The following IRAG2 variants were observed in gnomAD, a reference collection of about 807,000 sequenced individuals.
IRAG2 encodes inositol 1,4,5-triphosphate receptor associated 2.
IRAG2 carries 45 observed loss-of-function variants against 69.9 expected under a neutral mutation model. That is an observed-to-expected ratio of 0.64 (90% confidence interval 0.51 to 0.83). IRAG2 has a LOEUF of 0.83. Ranked by LOEUF, IRAG2 falls within the 40% of genes least tolerant of loss-of-function variation. IRAG2 has a pLI of 0.00. For missense variants in IRAG2, 520 were observed against 587.0 expected (o/e 0.89, Z 1.18); for synonymous variants, 193 against 202.4 (o/e 0.95, Z 0.40).
At chr12:25,097,316 C>T in intron 15 of IRAG2, 1 of 257,714 alleles carries the variant, frequency 3.9e-6, no homozygotes, top group Non-Finnish European at 7.3e-6. Flanking sequence ...GTTTATAATC[C>T]CTTATATAGT....
At chr12:25,019,397 G>T (rs960828622) in intron 6 of IRAG2, among the ~76,000 whole-genome samples, 6 of 152,054 alleles carry the variant, frequency 3.9e-5, no homozygotes, top group African/African-American at 1.2e-4. Flanking sequence ...TGGTGGAAGT[G>T]GCTCTCAGCA....
chr12:25,047,063 A>T (rs987829578), intron 16 of IRAG2, among the ~76,000 whole-genome samples: 1 of 152,378 alleles, frequency 6.6e-6, no homozygotes, highest in African/African-American at 2.4e-5. Context: ...AGATACTAAG[A>T]ATATGTAATA....
intron 9 of IRAG2, chr12:25,026,963 G>A (rs1380871841): frequency 1.8e-6 from 1 of 549,506 alleles, no homozygotes. Flanking sequence ...CTAAACTTTG[G>A]TTATAAATTC....
Position 25,062,819 on chromosome 12 carries a change from G to A in IRAG2, c.-384-1G>A, listed in dbSNP as rs1216690418. The A allele has an allele frequency of 2.5e-6, 1 of 398,826 alleles. No homozygotes were observed. The allele number at this position is 398,826 out of a possible 1,614,324, so 24.7% of individuals were successfully genotyped here. On this transcript the variant is annotated splice_acceptor_variant, in intron 2 of 21. Transcript: ENST00000556887. LOFTEE classifies it low-confidence loss of function (5UTR_SPLICE). ...TACACTCTACCATTTTCTCTTGACA[G>A]AGCTTTTTAGATGAGGAATTTCCTC... is the stretch of plus-strand genomic sequence containing the variant.
At chr12:25,036,206 C>T (rs891706382) in intron 14 of IRAG2, among the ~76,000 whole-genome samples, 2 of 152,158 alleles carry the variant, frequency 1.3e-5, no homozygotes, top group Non-Finnish European at 2.9e-5. Flanking sequence ...TTGCCAGTCC[C>T]TTTCATAGTG....
chr12:25,040,259 A>T (rs1441658210), intron 16 of IRAG2, among the ~76,000 whole-genome samples: 2 of 152,254 alleles, frequency 1.3e-5, no homozygotes, highest in African/African-American at 4.8e-5. Context: ...CTGTAATCCC[A>T]GCACTTTGGG....
At chr12:25,071,654 C>T (rs1946345529) in intron 6 of IRAG2, among the ~76,000 whole-genome samples, 1 of 152,166 alleles carries the variant, frequency 6.6e-6, no homozygotes, top group African/African-American at 2.4e-5. Flanking sequence ...CCCATGATCA[C>T]TCAATTAATA....
At chr12:25,027,388 CT>C (rs150854134) in intron 9 of IRAG2, among the ~76,000 whole-genome samples, 5 of 111,350 alleles carry the variant, frequency 4.5e-5, no homozygotes, top group African/African-American at 1.5e-4. Flanking sequence ...ATTACTACCT[CT>C]TTTTTTTTCT....
intron 12 of IRAG2, chr12:25,032,482 A>C (rs1944675340): frequency 2.5e-6 from 1 of 397,672 alleles, no homozygotes; most frequent in Non-Finnish European, 4.4e-6. Context: ...TTTGTATGTG[A>C]TATTTTCTCT....
chr12:25,008,796 T>C (rs528833148), intron 2 of IRAG2, among the ~76,000 whole-genome samples: 1 of 152,284 alleles, frequency 6.6e-6, no homozygotes, highest in South Asian at 2.1e-4. Context: ...TAAGGTGTTT[T>C]CTTGGTCATC....
At chr12:25,009,555 T>C (rs910466018) in intron 2 of IRAG2, among the ~76,000 whole-genome samples, 1 of 152,232 alleles carries the variant, frequency 6.6e-6, no homozygotes, top group Non-Finnish European at 1.5e-5. Flanking sequence ...TTTATATTTG[T>C]ATCTGTCAAT....
At chr12:25,068,304 C>T (rs1272031003) in intron 5 of IRAG2, among the ~76,000 whole-genome samples, 1 of 152,086 alleles carries the variant, frequency 6.6e-6, no homozygotes, top group Admixed American at 6.5e-5. Context: ...AAATGAACAG[C>T]CAGATGAAGA....
Position 25,062,356 on chromosome 12 carries a change from G to T in IRAG2, c.-384-464G>T, listed in dbSNP as rs901311792. Reference sequence around the variant, plus strand: ...AGGCAGAGTGCCTGAAAAGCCCTCTGCAATAAGTTGAGCTGGAAAAACCTC... The same window carrying T: ...AGGCAGAGTGCCTGAAAAGCCCTCTTCAATAAGTTGAGCTGGAAAAACCTC... On this transcript the variant is annotated intron_variant, in intron 2 of 21. Coordinates refer to ENST00000556887, the MANE Select transcript of IRAG2 (RefSeq NM_001366544.2). 3.3e-5 allele frequency among the ~76,000 whole-genome samples: 5 copies of T among 151,958 alleles called. No individual in the cohort carries two copies. In the East Asian group the frequency reaches 9.6e-4, roughly 29 times the overall value.
At chr12:25,049,749 G>A (rs1565534384), upstream of IRAG2, among the ~76,000 whole-genome samples, 1 of 152,102 alleles carries the variant, frequency 6.6e-6, no homozygotes, top group Non-Finnish European at 1.5e-5. Flanking sequence ...CACTTTGGGA[G>A]GCTGAGGCGG....
intron 17 of IRAG2, chr12:25,102,492 G>T: frequency 2.2e-6 from 1 of 462,532 alleles, no homozygotes; most frequent in Non-Finnish European, 3.9e-6. Context: ...AGTTGGAAGT[G>T]GGTAACCCGA....
chr12:25,106,175 A>G (rs972653287), intron 20 of IRAG2, among the ~76,000 whole-genome samples: 16 of 151,966 alleles, frequency 1.1e-4, no homozygotes, highest in African/African-American at 3.9e-4. Context: ...TGGAAATCAT[A>G]CAGAGAAAGG....
intron 1 of IRAG2, chr12:25,004,962 C>T (rs1194816604): frequency 7.1e-6 from 8 of 1,122,466 alleles, no homozygotes; most frequent in African/African-American, 3.2e-5. Context: ...GAGCAATAAA[C>T]ATATCTACTT....
intron 1 of IRAG2, among the ~76,000 whole-genome samples, chr12:25,057,660 A>G (rs1178133147): frequency 6.6e-6 from 1 of 152,174 alleles, no homozygotes; most frequent in Non-Finnish European, 1.5e-5. Context: ...AATGTATTTA[A>G]CATGTCATAA....
chr12:25,057,565 A>AT (rs1352154008), intron 1 of IRAG2, among the ~76,000 whole-genome samples: 1 of 151,912 alleles, frequency 6.6e-6, no homozygotes, highest in Non-Finnish European at 1.5e-5. Context: ...AGCTGCATGT[A>AT]TTTTTTTAGT....
Sources: gnomAD v4.1 joint callset for allele counts (sites outside exome capture counted in the v4.1 genomes callset) on GRCh38, gnomAD v4.1.1 for gene constraint, MANE v1.5 for transcripts, NCBI Gene and HGNC (gene_info 2026-07-23, HGNC 2026-07-21) for gene names.